The following SEPTIN9 variants were observed in gnomAD, a reference collection of about 807,000 sequenced individuals.
SEPTIN9 encodes the protein septin-9.
SEPTIN9 carries 13 observed loss-of-function variants against 56.6 expected under a neutral mutation model. The ratio of observed to expected loss-of-function variants is 0.23; its 90% CI spans 0.15 to 0.37. The LOEUF (loss-of-function observed/expected upper bound fraction) is 0.37, where lower values mean the gene tolerates loss of function less well. Among genes scored for constraint, SEPTIN9 ranks in the 10% least tolerant of loss-of-function variants. The pLI, the probability that SEPTIN9 is intolerant of heterozygous loss-of-function variation, is 1.00. For missense variants in SEPTIN9, 650 were observed against 823.1 expected, an observed-to-expected ratio of 0.79 and a Z score of 2.57; for synonymous variants, 332 against 334.1, an observed-to-expected ratio of 0.99 and a Z score of 0.07.
chr17:77,384,542 G>GT (rs2035262670), intron 2 of SEPTIN9, among the ~76,000 whole-genome samples: 1 of 152,080 alleles, frequency 6.6e-6, no homozygotes, highest in Middle Eastern at 3.2e-3. Context: ...GATGAGGCTT[G>GT]TGAGTCTTCA....
At chr17:77,490,890 T>G in intron 8 of SEPTIN9, 31 bp downstream of exon 8, 1 of 1,515,358 alleles carries the variant, frequency 6.6e-7, no homozygotes, top group Non-Finnish European at 9.0e-7. Flanking sequence ...GCCCCAGCCC[T>G]TCTGTGCAAC....
rs2037229270 is a variant in SEPTIN9 at position 77,433,577 on chromosome 17, T to TC, written c.721+30875dup. On this transcript the variant is annotated intron_variant, in intron 3 of 11. Transcript: ENST00000427177. This position sits in a 1 kb window ranked among gnomAD's most constrained non-coding sequence, Gnocchi z 6.4. ...CATGGCCATGCCGGAAATAGCAGCA[T>TC]CGTCCCCCTCACTGTCCTGGCTTGC... 6.6e-6 allele frequency among the ~76,000 whole-genome samples: 1 copy of TC among 151,642 alleles called. No homozygotes were observed. The highest frequency in any genetic ancestry group is 2.4e-5 in the African/African-American group (1 of 41,338).
At chr17:77,485,153 GGGTGATGA>G (rs2039702432) in intron 4 of SEPTIN9, among the ~76,000 whole-genome samples, 1 of 135,114 alleles carries the variant, frequency 7.4e-6, no homozygotes, top group Non-Finnish European at 1.5e-5. Flanking sequence ...ATTGTGATGG[GGGTGATGA>G]TGGTAATGTG....
intron 3 of SEPTIN9, among the ~76,000 whole-genome samples, chr17:77,418,058 C>T (rs1217006516): frequency 6.6e-6 from 1 of 152,214 alleles, no homozygotes; most frequent in African/African-American, 2.4e-5. Flanking sequence ...CCCGAGCTGT[C>T]ACACATCAGA....
intron 3 of SEPTIN9, among the ~76,000 whole-genome samples, chr17:77,411,434 GA>G (rs1263113245): frequency 1.3e-5 from 2 of 150,094 alleles, no homozygotes; most frequent in Admixed American, 6.7e-5. Flanking sequence ...GCCCAGGCTG[GA>G]GTGCAGTGGT....
At position 77,450,369 on chromosome 17, in the gene SEPTIN9, G is replaced by A. The variant is rs553289438; in HGVS notation, c.722-31775G>A. On this transcript the variant is annotated intron_variant, in intron 3 of 11. Transcript: ENST00000427177. The surrounding 1 kb of genome is among the most constrained non-coding windows in gnomAD (Gnocchi z 6.0). ...GGTCCCGTGGGGGCTGCCTGAGGGC[G>A]TAGCTTCCAGAATTCAGCCCCTGGC... 7.2e-5 allele frequency among the ~76,000 whole-genome samples: 11 copies of A among 152,302 alleles called. No homozygotes were observed. In the East Asian group the frequency reaches 1.5e-3, roughly 21 times the overall value.
intron 2 of SEPTIN9, among the ~76,000 whole-genome samples, chr17:77,350,390 G>C (rs2034018827): frequency 6.6e-6 from 1 of 152,198 alleles, no homozygotes; most frequent in African/African-American, 2.4e-5. Flanking sequence ...GGTCCTAGCT[G>C]GGGGGCTACC....
At chr17:77,322,691 G>C (rs1286629968) in intron 2 of SEPTIN9, 2 of 152,284 alleles carry the variant, frequency 1.3e-5, no homozygotes, top group Non-Finnish European at 2.9e-5. Context: ...GGAGCGGCAC[G>C]GCCCCTAGGC....
intron 3 of SEPTIN9, chr17:77,428,879 T>G: frequency 2.5e-6 from 1 of 407,836 alleles, no homozygotes; most frequent in Non-Finnish European, 5.2e-6. Context: ...TTATTGACTC[T>G]GAATTTGCCT....
intron 2 of SEPTIN9, among the ~76,000 whole-genome samples, chr17:77,391,182 C>T (rs965565879): frequency 6.6e-6 from 1 of 152,158 alleles, no homozygotes; most frequent in African/African-American, 2.4e-5. Flanking sequence ...GACTCAGTGG[C>T]TAGAAGGGGC....
At chr17:77,334,518 C>T (rs1400907014) in intron 2 of SEPTIN9, among the ~76,000 whole-genome samples, 1 of 149,376 alleles carries the variant, frequency 6.7e-6, no homozygotes, top group Non-Finnish European at 1.5e-5. Context: ...TTTTTTTTTC[C>T]ACATTGCTCC....
Position 77,330,357 on chromosome 17 carries a change from A to G in SEPTIN9, c.76+23160A>G, listed in dbSNP as rs1035332495. Among the ~76,000 whole-genome samples, 3 of 152,114 alleles carry G rather than the reference A, an allele frequency of 2.0e-5. No homozygotes were observed. The highest frequency in any genetic ancestry group is 7.2e-5 in the African/African-American group (3 of 41,428). On this transcript the variant is annotated intron_variant, in intron 2 of 11. Coordinates refer to ENST00000427177, the MANE Select transcript of SEPTIN9 (RefSeq NM_001113491.2). The surrounding 1 kb of genome is among the most constrained non-coding windows in gnomAD (Gnocchi z 4.4). ...GCTGGCTGTGGCCCTCAAGGTGTGG[A>G]TGGCAGGAGGTGGTGAGACAGGGAC...
At position 77,498,678 on chromosome 17, in the gene SEPTIN9, C is replaced by CGGG. The variant is rs2040383088; in HGVS notation, c.*21_*23dup. ...ATGTAGACGCCACCCTGCCCACCCC[C>CGGG]GGGATCCTGCCCCCAAGTCATTTCC... On this transcript the variant is annotated 3_prime_UTR_variant, in exon 12 of 12. Transcript: ENST00000427177. 2.6e-6 allele frequency: 4 copies of CGGG among 1,511,196 alleles called. No individual in the cohort carries two copies. Among genetic ancestry groups the CGGG allele is most frequent in the East Asian group, 2.4e-5 (1 of 41,076 alleles). 93.6% of individuals were successfully genotyped at this position (1,511,196 alleles called of 1,614,324 possible). A position where few individuals can be genotyped will look rare whatever the true frequency, so the allele number is the denominator to read the frequency against.
At chr17:77,446,934 A>C (rs2144377383) in intron 3 of SEPTIN9, 1 of 167,280 alleles carries the variant, frequency 6.0e-6, no homozygotes, top group South Asian at 2.1e-4. Flanking sequence ...TGCACAGAAC[A>C]TAAAATTTGC....
intron 7 of SEPTIN9, 28 bp from the exon 8 acceptor site, chr17:77,490,714 G>A (rs2039989615): frequency 1.3e-6 from 2 of 1,521,004 alleles, no homozygotes; most frequent in Non-Finnish European, 1.8e-6. Context: ...TCCCCCAGAT[G>A]AGCCTCACGC....
At chr17:77,353,791 C>A (rs7224205) in intron 2 of SEPTIN9, among the ~76,000 whole-genome samples, 1 of 152,182 alleles carries the variant, frequency 6.6e-6, no homozygotes, top group Non-Finnish European at 1.5e-5. Flanking sequence ...ATCCATTCAT[C>A]GGAGCTCCAA....
chr17:77,434,041 C>T lies in SEPTIN9; in HGVS notation c.721+31338C>T, dbSNP rs1211733206. ...GCGTGTTAGAAGCGCTAAGCTGCAGCTGTTCTGTGCGTTTTTCACATTTCT... is the reference window on the plus strand; with the variant it reads ...GCGTGTTAGAAGCGCTAAGCTGCAGTTGTTCTGTGCGTTTTTCACATTTCT... On this transcript the variant is annotated intron_variant, in intron 3 of 11. Transcript: ENST00000427177. This position sits in a 1 kb window ranked among gnomAD's most constrained non-coding sequence, Gnocchi z 5.0. Among the ~76,000 whole-genome samples the T allele has an allele frequency of 6.6e-6, 1 of 152,202 alleles. No individual in the cohort carries two copies. The highest frequency in any genetic ancestry group is 6.5e-5 in the Admixed American group (1 of 15,288).
intron 3 of SEPTIN9, among the ~76,000 whole-genome samples, chr17:77,480,908 C>G (rs1190099675): frequency 1.3e-5 from 2 of 152,174 alleles, no homozygotes; most frequent in African/African-American, 4.8e-5. Flanking sequence ...CAGCAGCCGC[C>G]CAGCCTGCGT....
chr17:77,457,150 C>T (rs527264931), intron 3 of SEPTIN9, among the ~76,000 whole-genome samples: 16 of 152,280 alleles, frequency 1.1e-4, no homozygotes, highest in South Asian at 4.1e-4. Context: ...GAGATGGGGA[C>T]GGCTGCACAG....
Sources: gnomAD v4.1 joint callset for allele counts (sites outside exome capture counted in the v4.1 genomes callset) on GRCh38, gnomAD v4.1.1 for gene constraint, Gnocchi (gnomAD v3.1) non-coding constraint, MANE v1.5 for transcripts, NCBI Gene and HGNC (gene_info 2026-07-23, HGNC 2026-07-21) for gene names.